Variants in CHD9NB observed in about 807,000 individuals in gnomAD.
CHD9NB encodes CHD9 neighbor, also known as CHD9 neighbor protein.
chr16:53,037,895 A>G, the CHD9NB span, among the ~76,000 whole-genome samples: 1 of 152,156 alleles, frequency 6.6e-6, no homozygotes, highest in African/African-American at 2.4e-5. Flanking sequence ...GAGAAACAGA[A>G]CCAACAGAAT....
At chr16:53,047,041 C>A in the CHD9NB span, among the ~76,000 whole-genome samples, 1 of 152,080 alleles carries the variant, frequency 6.6e-6, no homozygotes, top group East Asian at 1.9e-4. Flanking sequence ...GTATGGGCAA[C>A]CCAAAGATGG....
At chr16:53,041,113 G>A in the CHD9NB span, among the ~76,000 whole-genome samples, 4 of 152,340 alleles carry the variant, frequency 2.6e-5, no homozygotes, top group African/African-American at 7.2e-5. Flanking sequence ...AAGATGGATG[G>A]ATAGATGGCT....
the CHD9NB span, among the ~76,000 whole-genome samples, chr16:53,051,744 T>C: frequency 8.6e-4 from 123 of 143,786 alleles, no homozygotes; most frequent in Middle Eastern, 0.011. Context: ...ATTGTGCACC[T>C]GTACCCTACA....
the CHD9NB span, among the ~76,000 whole-genome samples, chr16:53,036,716 G>A: frequency 1.6e-4 from 24 of 152,332 alleles, no homozygotes; most frequent in Admixed American, 9.2e-4. Context: ...CAGTGCCGTA[G>A]GCTAGACACC....
chr16:53,036,620 C>A, the CHD9NB span, among the ~76,000 whole-genome samples: 97 of 152,318 alleles, frequency 6.4e-4, no homozygotes, highest in African/African-American at 2.0e-3. Context: ...ACCTCTCACT[C>A]CTGCCTTGAA....
the CHD9NB span, among the ~76,000 whole-genome samples, chr16:53,046,386 C>T: frequency 2.6e-5 from 4 of 151,836 alleles, no homozygotes; most frequent in Admixed American, 2.6e-4. Context: ...GGTAAGAAAA[C>T]TTGGCTTGCA....
chr16:53,037,018 C>T, the CHD9NB span, among the ~76,000 whole-genome samples: 3 of 152,256 alleles, frequency 2.0e-5, no homozygotes, highest in East Asian at 1.9e-4. Flanking sequence ...TCACTGCAAC[C>T]TCTGCCTCCT....
the CHD9NB span, among the ~76,000 whole-genome samples, chr16:53,050,632 G>C: frequency 1.3e-5 from 2 of 152,222 alleles, no homozygotes; most frequent in Non-Finnish European, 2.9e-5. Flanking sequence ...TCCAGGACCA[G>C]AATGTGACCA....
At chr16:53,043,530 G>C in the CHD9NB span, 10 of 152,610 alleles carry the variant, frequency 6.6e-5, no homozygotes, top group Admixed American at 5.9e-4. Context: ...TTGCTGTCAG[G>C]GGTGTTGGCT....
At chr16:53,049,244 C>T in the CHD9NB span, among the ~76,000 whole-genome samples, 1 of 152,070 alleles carries the variant, frequency 6.6e-6, no homozygotes, top group Non-Finnish European at 1.5e-5. Context: ...CAGCCTCAAC[C>T]TTCTGGGCTC....
the CHD9NB span, among the ~76,000 whole-genome samples, chr16:53,049,054 G>A: frequency 2.0e-5 from 3 of 152,206 alleles, no homozygotes; most frequent in Non-Finnish European, 2.9e-5. Flanking sequence ...AGATGGGGTC[G>A]CACTATGTTA....
At chr16:53,036,825 C>T in the CHD9NB span, among the ~76,000 whole-genome samples, 2 of 152,328 alleles carry the variant, frequency 1.3e-5, no homozygotes, top group East Asian at 3.9e-4. Flanking sequence ...TGTATCCGCC[C>T]ACCCCTTGTT....
the CHD9NB span, among the ~76,000 whole-genome samples, chr16:53,048,251 C>T: frequency 3.3e-5 from 5 of 151,832 alleles, no homozygotes; most frequent in East Asian, 9.7e-4. Context: ...AAAAAACAGA[C>T]AAAAATTAGC....
chr16:53,040,622 G>C, the CHD9NB span, among the ~76,000 whole-genome samples: 1 of 152,168 alleles, frequency 6.6e-6, no homozygotes, highest in Non-Finnish European at 1.5e-5. Flanking sequence ...CACAAAGATG[G>C]CACTTTATGA....
the CHD9NB span, among the ~76,000 whole-genome samples, chr16:53,052,186 C>T: frequency 6.8e-6 from 1 of 146,122 alleles, no homozygotes; most frequent in African/African-American, 2.6e-5. Context: ...CTAGACCAGC[C>T]TGAGCAACAT....
the CHD9NB span, among the ~76,000 whole-genome samples, chr16:53,050,129 G>A: frequency 6.6e-6 from 1 of 152,040 alleles, no homozygotes; most frequent in Non-Finnish European, 1.5e-5. Flanking sequence ...GCTTGAACTG[G>A]GAGGCAGAGG....
At chr16:53,036,186 T>C in the CHD9NB span, among the ~76,000 whole-genome samples, 4 of 152,192 alleles carry the variant, frequency 2.6e-5, no homozygotes, top group Non-Finnish European at 4.4e-5. Flanking sequence ...TAACTAGCTA[T>C]GTTAACTTGG....
the CHD9NB span, among the ~76,000 whole-genome samples, chr16:53,046,211 T>G: frequency 1.3e-5 from 2 of 152,174 alleles, no homozygotes; most frequent in South Asian, 4.1e-4. Flanking sequence ...GGGCCAGCAA[T>G]CCTCCTTTGA....
At chr16:53,038,724 G>A in the CHD9NB span, among the ~76,000 whole-genome samples, 1 of 152,154 alleles carries the variant, frequency 6.6e-6, no homozygotes, top group Non-Finnish European at 1.5e-5. Context: ...GTAGGGGAGA[G>A]AGATTGGGCT....
Sources: allele counts gnomAD v4.1 joint callset (sites outside exome capture counted in the v4.1 genomes callset), GRCh38; gene constraint gnomAD v4.1.1; transcripts MANE v1.5; gene names NCBI Gene and HGNC (gene_info 2026-07-23, HGNC 2026-07-21).